SLC7A9: variants seen among roughly 807,000 people sequenced by gnomAD.
SLC7A9 encodes B(0,+)-type amino acid transporter 1.
Under a neutral mutation model 54.1 loss-of-function variants are expected in SLC7A9, and 38 were observed. The ratio of observed to expected loss-of-function variants is 0.70; its 90% confidence interval spans 0.54 to 0.92. The LOEUF is 0.92. SLC7A9 is among the 40% of genes least tolerant of loss of function. The pLI, the probability that SLC7A9 is intolerant of heterozygous loss-of-function variation, is 0.00. For missense variants in SLC7A9, 537 were observed against 636.1 expected (o/e 0.84, Z 1.68); for synonymous variants, 264 against 258.9 (o/e 1.02, Z -0.19).
chr19:32,854,043 T>C (rs564402317), intron 9 of SLC7A9, among the ~76,000 whole-genome samples: 1 of 151,594 alleles, frequency 6.6e-6, no homozygotes, highest in Non-Finnish European at 1.5e-5. Context: ...GGTCTCACTC[T>C]GTCTCCCAGG....
intron 11 of SLC7A9, among the ~76,000 whole-genome samples, chr19:32,836,260 G>A (rs984263756): frequency 1.3e-5 from 2 of 152,020 alleles, no homozygotes; most frequent in Non-Finnish European, 2.9e-5. Flanking sequence ...TGTTTGCCAG[G>A]CTGGTCTTGA....
intron 11 of SLC7A9, 73 bp from the exon 12 acceptor site, chr19:32,833,396 T>A: frequency 1.4e-6 from 2 of 1,390,728 alleles, no homozygotes; most frequent in Non-Finnish European, 2.0e-6. Context: ...CCGATTTTTA[T>A]AAAAAGAGTA....
chr19:32,858,628 G>A (rs1968700004), intron 8 of SLC7A9, 85 bp from the exon 9 acceptor site: 3 of 1,060,060 alleles, frequency 2.8e-6, no homozygotes, highest in Non-Finnish European at 4.2e-6. Context: ...TGGCCTCCCA[G>A]GGGACCCAGG....
chr19:32,839,592 C>T (rs990952659), intron 11 of SLC7A9, among the ~76,000 whole-genome samples: 7 of 149,934 alleles, frequency 4.7e-5, no homozygotes, highest in African/African-American at 1.7e-4. Flanking sequence ...AGGATATTTG[C>T]CTTGAGTTCT....
chr19:32,861,822 C>A (rs935470815), intron 6 of SLC7A9, among the ~76,000 whole-genome samples: 26 of 152,098 alleles, frequency 1.7e-4, no homozygotes, highest in African/African-American at 6.0e-4. Context: ...CTTAAAAAAA[C>A]AAAACAAAAC....
intron 6 of SLC7A9, among the ~76,000 whole-genome samples, chr19:32,861,797 C>A (rs1968807217): frequency 6.6e-6 from 1 of 152,016 alleles, no homozygotes; most frequent in Non-Finnish European, 1.5e-5. Flanking sequence ...CCTGGGTGAC[C>A]AAGTGAGATC....
intron 9 of SLC7A9, among the ~76,000 whole-genome samples, chr19:32,852,551 T>A (rs1190540645): frequency 6.6e-6 from 1 of 152,084 alleles, no homozygotes; most frequent in East Asian, 1.9e-4. Context: ...CATACTCTAA[T>A]TACAGTGCAG....
At chr19:32,838,312 CTT>C (rs1386297188) in intron 11 of SLC7A9, among the ~76,000 whole-genome samples, 1 of 151,470 alleles carries the variant, frequency 6.6e-6, no homozygotes, top group African/African-American at 2.4e-5. Flanking sequence ...TTTAATGTGT[CTT>C]TTGGTAGGTA....
chr19:32,842,149 T>C lies in SLC7A9; in HGVS notation c.1224+19A>G. On this transcript the variant is annotated intron_variant, in intron 11 of 12. Transcript: ENST00000023064. ...TAAAAAATCCAAAGCCACTCGTGAC[T>C]CTGGGGCTGCAAGCTTACCTTGATA... 2 of 1,613,988 alleles carry C rather than the reference T, an allele frequency of 1.2e-6. No individual in the cohort carries two copies. The highest frequency in any genetic ancestry group is 1.7e-6 in the Non-Finnish European group (2 of 1,179,856).
chr19:32,837,629 A>C (rs1968000734), intron 11 of SLC7A9, among the ~76,000 whole-genome samples: 3 of 151,862 alleles, frequency 2.0e-5, no homozygotes, highest in Non-Finnish European at 4.4e-5. Flanking sequence ...TTTGGTGACC[A>C]AACAGTTAAC....
chr19:32,869,227 A>T (rs919720411), intron 1 of SLC7A9, among the ~76,000 whole-genome samples: 7 of 152,076 alleles, frequency 4.6e-5, no homozygotes, highest in East Asian at 1.9e-4. Context: ...TGTTTCAAAA[A>T]ATATATATAT....
rs1434090471 is a variant in SLC7A9 at position 32,864,294 on chromosome 19, C to T, written c.280G>A (p.Gly94Arg). 6.2e-7 allele frequency: 1 copy of T among 1,614,008 alleles called. No individual in the cohort carries two copies. Among genetic ancestry groups the T allele is most frequent in the Non-Finnish European group, 8.5e-7 (1 of 1,180,026 alleles). The change falls in exon 4 of 13, where the codon GGG becomes AGG. Residue 94 changes from glycine (G) to arginine (R), a missense_variant. Coordinates refer to ENST00000023064, the MANE Select transcript of SLC7A9 (RefSeq NM_014270.5). ...TCCATCAGGTAGGGATACTCTCCCC[C>T]TGACTTGGTGATCATTGTGCCAAGC... The part of the protein sequence containing the change: ...AELGTMITKS[G>R]GEYPYLMEAY...
intron 7 of SLC7A9, 62 bp from the exon 8 acceptor site, chr19:32,860,026 G>A (rs749773399): frequency 1.1e-5 from 18 of 1,613,216 alleles, no homozygotes; most frequent in Admixed American, 1.7e-5. Context: ...GAAGATGGAC[G>A]CCCTCCCTGA....
chr19:32,864,863 G>C (rs1968920782), intron 2 of SLC7A9, 87 bp from the exon 3 acceptor site: 1 of 1,579,908 alleles, frequency 6.3e-7, no homozygotes, highest in Admixed American at 1.7e-5. Context: ...GGTACGGCCA[G>C]GGCGGCCCCA....
At chr19:32,836,977 G>A (rs1307918552) in intron 11 of SLC7A9, among the ~76,000 whole-genome samples, 1 of 151,938 alleles carries the variant, frequency 6.6e-6, no homozygotes, top group East Asian at 1.9e-4. Context: ...TTGAAGATCC[G>A]CCTGAAAAAT....
At chr19:32,853,357 G>C (rs1004936610) in intron 9 of SLC7A9, among the ~76,000 whole-genome samples, 6 of 152,180 alleles carry the variant, frequency 3.9e-5, no homozygotes, top group African/African-American at 1.2e-4. Context: ...TCTAGAATTG[G>C]ATTGTGATGT....
chr19:32,842,075 G>T (rs2145809103), intron 11 of SLC7A9, 93 bp downstream of exon 11: 1 of 1,229,224 alleles, frequency 8.1e-7, no homozygotes, highest in Non-Finnish European at 1.2e-6. Context: ...AGTCAGATTG[G>T]AACTAGAAGG....
In SLC7A9 at chr19:32,830,600, G is replaced by A. The variant is rs773144504; in HGVS notation, c.*20C>T. ...TAAGAAAATAAATTCAGCTGACTTG[G>A]CTACAAGAGACGGAGCTTGTTACTC... On this transcript the variant is annotated 3_prime_UTR_variant, in exon 13 of 13. Coordinates refer to ENST00000023064, the MANE Select transcript of SLC7A9 (RefSeq NM_014270.5). 1.4e-5 allele frequency: 22 copies of A among 1,594,628 alleles called. No homozygotes were observed. Among genetic ancestry groups the A allele is most frequent in the Non-Finnish European group, 1.9e-5 (22 of 1,162,378 alleles).
At chr19:32,858,388 A>G (rs1244076306) in intron 9 of SLC7A9, 52 bp downstream of exon 9, 15 of 1,285,502 alleles carry the variant, frequency 1.2e-5, no homozygotes, top group Non-Finnish European at 1.7e-5. Flanking sequence ...CGGGGGTGAT[A>G]TTGCTTTCGC....
Sources: allele counts gnomAD v4.1 joint callset (sites outside exome capture counted in the v4.1 genomes callset), GRCh38; gene constraint gnomAD v4.1.1; transcripts MANE v1.5; gene names NCBI Gene and HGNC (gene_info 2026-07-23, HGNC 2026-07-21).